NRDE2: variants seen among roughly 807,000 people sequenced by gnomAD.
NRDE2 encodes the protein nuclear exosome regulator NRDE2.
In NRDE2, 76 loss-of-function variants were observed where a neutral mutation model predicts 124.2. The observed-to-expected ratio is 0.61, with a 90% confidence interval of 0.51 to 0.74. The LOEUF (loss-of-function observed/expected upper bound fraction) is 0.74. NRDE2 is among the 30% of genes least tolerant of loss of function. NRDE2 has a pLI of 0.00. For synonymous variants in NRDE2, 489 were observed against 528.1 expected (o/e 0.93, Z 1.01); for missense variants, 1,314 against 1,417.3 (o/e 0.93, Z 1.17).
chr14:90,322,068 C>T (rs1416872637), intron 1 of NRDE2, among the ~76,000 whole-genome samples: 4 of 152,168 alleles, frequency 2.6e-5, no homozygotes, highest in Non-Finnish European at 5.9e-5. Flanking sequence ...CCCCACGCCA[C>T]GGAGCTTCTC....
At chr14:90,326,235 C>T (rs554805752) in intron 1 of NRDE2, among the ~76,000 whole-genome samples, 1 of 152,218 alleles carries the variant, frequency 6.6e-6, no homozygotes, top group Admixed American at 6.5e-5. Context: ...TGGCTCACGC[C>T]TGTAATCCCA....
intron 8 of NRDE2, among the ~76,000 whole-genome samples, chr14:90,295,609 T>C (rs1884116074): frequency 6.6e-6 from 1 of 152,188 alleles, no homozygotes; most frequent in Non-Finnish European, 1.5e-5. Flanking sequence ...CATTCATGTA[T>C]AACAACTACA....
chr14:90,294,215 G>A (rs1188012927), intron 8 of NRDE2, among the ~76,000 whole-genome samples: 1 of 151,994 alleles, frequency 6.6e-6, no homozygotes, highest in Non-Finnish European at 1.5e-5. Flanking sequence ...AAACACAACT[G>A]TTCCCAGGGA....
At chr14:90,297,535 G>A (rs117621913) in intron 8 of NRDE2, among the ~76,000 whole-genome samples, 1,562 of 152,244 alleles carry the variant, frequency 0.01, 60 homozygotes, top group Admixed American at 0.061. Context: ...TTATGTAAAT[G>A]CTAGGTAATA....
At chr14:90,314,761 T>C (rs1884976447) in intron 3 of NRDE2, among the ~76,000 whole-genome samples, 1 of 152,228 alleles carries the variant, frequency 6.6e-6, no homozygotes, top group Non-Finnish European at 1.5e-5. Flanking sequence ...ATGGGCCCTG[T>C]GCACCACGTG....
intron 3 of NRDE2, 26 bp downstream of exon 3, chr14:90,316,552 A>G: frequency 6.7e-7 from 1 of 1,496,060 alleles, no homozygotes; most frequent in South Asian, 1.2e-5. Flanking sequence ...TTAAAATATC[A>G]TAGGTGCTTG....
At position 90,298,204 on chromosome 14, in the gene NRDE2, T is replaced by C. The variant is rs571290460; in HGVS notation, c.1666+56A>G. The C allele has an allele frequency of 1.3e-5, 21 of 1,585,778 alleles. No individual in the cohort carries two copies. In the African/African-American group the frequency reaches 2.7e-4, roughly 20 times the overall value. On this transcript the variant is annotated intron_variant, in intron 8 of 13. Transcript: ENST00000354366. The stretch of plus-strand genomic sequence containing the variant: ...AAGCAGATAAATAATCATGAGGATG[T>C]AAAAACAAATTCCAGAAGAAACAGA...
intron 4 of NRDE2, among the ~76,000 whole-genome samples, chr14:90,311,498 C>T (rs1396000278): frequency 2.0e-5 from 3 of 152,076 alleles, no homozygotes; most frequent in Non-Finnish European, 4.4e-5. Context: ...AGGGCAGTTC[C>T]CCTGGTTTTA....
Position 90,269,095 on chromosome 14 carries a change from C to T in NRDE2, c.*9241G>A. The T allele has an allele frequency of 3.9e-6, 1 of 253,642 alleles. No homozygotes were observed. The allele number at this position is 253,642 out of a possible 1,614,324, so 15.7% of individuals were successfully genotyped here. A position where few individuals can be genotyped will look rare whatever the true frequency, so the allele number is the denominator to read the frequency against. ...TACATGCTGTATAAGGCCTTTTTCT[C>T]TTTTTAGAAGGAACTCATGCTGTAT... is the stretch of plus-strand genomic sequence containing the variant. On this transcript the variant is annotated 3_prime_UTR_variant, in exon 14 of 14. Coordinates refer to ENST00000354366, the MANE Select transcript of NRDE2 (RefSeq NM_017970.4).
At position 90,302,793 on chromosome 14, in the gene NRDE2, G is replaced by A; in HGVS notation, c.1338C>T (p.Ser446=). Residue 446 remains serine (S), a synonymous_variant, in exon 6 of 14, where the codon AGC becomes AGT. Transcript: ENST00000354366. ...KIHSLYGKCL[S]TLSAVKDGSI... ...TGCCGTCCTTAACAGCAGACAAAGT[G>A]CTCAAGCATTTTCCATAAAGACTGT... 1 of 1,614,152 alleles carries A rather than the reference G, an allele frequency of 6.2e-7. No individual in the cohort carries two copies. The highest frequency in any genetic ancestry group is 8.5e-7 in the Non-Finnish European group (1 of 1,180,036).
chr14:90,320,445 A>G (rs568141039), intron 1 of NRDE2, among the ~76,000 whole-genome samples: 3 of 152,338 alleles, frequency 2.0e-5, no homozygotes, highest in East Asian at 1.9e-4. Context: ...CCAGGATCCA[A>G]TCACCTCCCA....
intron 1 of NRDE2, among the ~76,000 whole-genome samples, chr14:90,321,966 T>C (rs12882379): frequency 0.99 from 150,436 of 152,228 alleles, 74,350 homozygotes; most frequent in Middle Eastern, 1. Context: ...GGACACCACC[T>C]CCTCCCCTAT....
chr14:90,294,912 A>G (rs1184509394), intron 8 of NRDE2, among the ~76,000 whole-genome samples: 3 of 152,220 alleles, frequency 2.0e-5, no homozygotes, highest in African/African-American at 7.2e-5. Context: ...AGGAAAACAG[A>G]GAGAGAACAG....
intron 4 of NRDE2, among the ~76,000 whole-genome samples, chr14:90,307,822 T>C (rs1341720768): frequency 1.3e-5 from 2 of 152,230 alleles, no homozygotes; most frequent in East Asian, 1.9e-4. Flanking sequence ...ACTGCAGTTA[T>C]GCAATATAGC....
intron 3 of NRDE2, 86 bp downstream of exon 3, chr14:90,316,492 T>C: frequency 1.1e-6 from 1 of 917,320 alleles, no homozygotes; most frequent in Admixed American, 2.2e-5. Flanking sequence ...ACTAAATGGT[T>C]ATTCAAATAT....
At chr14:90,292,398 C>T (rs981280151) in intron 9 of NRDE2, among the ~76,000 whole-genome samples, 2 of 152,174 alleles carry the variant, frequency 1.3e-5, no homozygotes, top group Non-Finnish European at 2.9e-5. Context: ...AACTGAATGA[C>T]CTGGAAGACA....
In NRDE2 at chr14:90,279,049, C is replaced by T. The variant is rs1367187543; in HGVS notation, c.3369+13G>A. The stretch of plus-strand genomic sequence containing the variant: ...TTCGGGAAGCTGAAGACACCATGGC[C>T]TTTAACACTTACCTTTGCCCAAGGG... On this transcript the variant is annotated intron_variant, in intron 13 of 13. Coordinates refer to ENST00000354366, the MANE Select transcript of NRDE2 (RefSeq NM_017970.4). The T allele has an allele frequency of 1.9e-6, 3 of 1,595,104 alleles. No homozygotes were observed. In the African/African-American group the frequency reaches 4.0e-5, roughly 21 times the overall value.
chr14:90,324,321 TGA>T (rs1280378098), intron 1 of NRDE2, among the ~76,000 whole-genome samples: 3 of 152,070 alleles, frequency 2.0e-5, no homozygotes, highest in Admixed American at 6.6e-5. Context: ...ATGTTTTGAA[TGA>T]GAGTGACAAA....
intron 8 of NRDE2, among the ~76,000 whole-genome samples, chr14:90,293,178 C>T (rs541603819): frequency 3.9e-5 from 6 of 152,308 alleles, no homozygotes; most frequent in South Asian, 2.1e-4. Flanking sequence ...AAATGCCCTA[C>T]ATACCTGCAT....
Sources: gnomAD v4.1 joint callset for allele counts (sites outside exome capture counted in the v4.1 genomes callset) on GRCh38, gnomAD v4.1.1 for gene constraint, MANE v1.5 for transcripts, NCBI Gene and HGNC (gene_info 2026-07-23, HGNC 2026-07-21) for gene names.